INTS10: variants seen among roughly 807,000 people sequenced by gnomAD.
The protein encoded by INTS10 is integrator complex subunit 10.
In INTS10, 44 loss-of-function variants were observed where a neutral mutation model predicts 94.4. The ratio of observed to expected loss-of-function variants is 0.47; its 90% CI spans 0.37 to 0.60. The LOEUF is 0.60. INTS10 is among the 20% of genes least tolerant of loss of function. INTS10 has a pLI of 0.00. For missense variants in INTS10, 797 were observed against 868.7 expected (o/e 0.92, Z 1.04); for synonymous variants, 341 against 320.7 (o/e 1.06, Z -0.68).
At chr8:19,825,333 C>G (rs1024463988) in intron 8 of INTS10, among the ~76,000 whole-genome samples, 15 of 152,192 alleles carry the variant, frequency 9.9e-5, no homozygotes, top group African/African-American at 3.6e-4. Flanking sequence ...TGAGACCAGC[C>G]TGGCCAATAT....
intron 2 of INTS10, among the ~76,000 whole-genome samples, chr8:19,819,189 T>TA (rs1005674768): frequency 5.3e-5 from 8 of 151,806 alleles, no homozygotes; most frequent in Admixed American, 1.3e-4. Flanking sequence ...CTTGCTATTT[T>TA]AAAAAAAAAT....
rs1483514279 is a variant in INTS10, at chr8:19,823,328, A to G, written c.551A>G (p.Asn184Ser). 5 of 1,608,222 alleles carry G rather than the reference A, an allele frequency of 3.1e-6. No individual in the cohort carries two copies. The highest frequency in any genetic ancestry group is 4.3e-6 in the Non-Finnish European group (5 of 1,175,060). ...FVCDVLPLII[N>S]NHDVRLPANL... ...TGTGATGTCCTTCCTCTAATAATTA[A>G]CAACCATGATGTTCGATTACCTGCC... The change falls in exon 6 of 17, where the codon AAC becomes AGC. Residue 184 changes from asparagine (N) to serine (S), a missense_variant. This residue lies in a region of INTS10 where 734 missense variants were observed against 787.8 expected (regional missense o/e 0.93). Coordinates refer to ENST00000397977, the MANE Select transcript of INTS10 (RefSeq NM_018142.4).
intron 4 of INTS10, chr8:19,821,006 C>T (rs1178635852): frequency 6.6e-6 from 1 of 152,482 alleles, no homozygotes; most frequent in Non-Finnish European, 1.5e-5. Context: ...TCCCACTTTA[C>T]AGATGACGAA....
At chr8:19,826,333 C>T in intron 8 of INTS10, 93 bp from the exon 9 acceptor site, 1 of 1,313,118 alleles carries the variant, frequency 7.6e-7, no homozygotes, top group Non-Finnish European at 1.0e-6. Flanking sequence ...CCTCCTGCCT[C>T]AGCCTCCCAA....
intron 15 of INTS10, chr8:19,845,467 T>C: frequency 1.9e-6 from 1 of 527,400 alleles, no homozygotes; most frequent in South Asian, 2.3e-5. Flanking sequence ...TTAGTGGGTA[T>C]AAGAATCAGG....
At position 19,826,371 on chromosome 8, in the gene INTS10, C is replaced by T. The variant is rs181823850; in HGVS notation, c.1007-55C>T. 4,060 of 1,540,418 alleles carry T rather than the reference C, an allele frequency of 2.6e-3. 15 individuals are homozygous for T. Among genetic ancestry groups the T allele is most frequent in the Non-Finnish European group, 2.8e-3 (3,241 of 1,145,150 alleles). The stretch of plus-strand genomic sequence containing the variant: ...GGCTGGGATTGCAGGCATGAGCCAC[C>T]GCGCCTGGCCTCCTTGCTGCACTGG... On this transcript the variant is annotated intron_variant, in intron 8 of 16. Coordinates refer to ENST00000397977, the MANE Select transcript of INTS10 (RefSeq NM_018142.4).
intron 5 of INTS10, among the ~76,000 whole-genome samples, chr8:19,822,945 T>A (rs2066499671): frequency 7.2e-6 from 1 of 139,792 alleles, no homozygotes; most frequent in Non-Finnish European, 1.6e-5. Context: ...TGAGACTCTG[T>A]CTCAAAAAAA....
chr8:19,848,349 G>A (rs1270130587), intron 16 of INTS10, among the ~76,000 whole-genome samples: 3 of 152,156 alleles, frequency 2.0e-5, no homozygotes, highest in South Asian at 2.1e-4. Flanking sequence ...GAGGGCACCC[G>A]GTGCTTCACT....
intron 13 of INTS10, among the ~76,000 whole-genome samples, chr8:19,840,641 C>T (rs1384010227): frequency 1.3e-5 from 2 of 151,948 alleles, no homozygotes; most frequent in Non-Finnish European, 1.5e-5. Context: ...AAATGATTTT[C>T]GATGAAGGCA....
chr8:19,817,730 G>A (rs1453381397), intron 1 of INTS10, 64 bp downstream of exon 1: 2 of 1,547,752 alleles, frequency 1.3e-6, no homozygotes, highest in Non-Finnish European at 1.7e-6. Flanking sequence ...CGCCCGGGCT[G>A]CCCTGGCCCA....
chr8:19,841,980 A>C, intron 13 of INTS10: 1 of 259,922 alleles, frequency 3.8e-6, no homozygotes, highest in Non-Finnish European at 7.7e-6. Flanking sequence ...ACAGGATCCC[A>C]TGTGAAAAAT....
At position 19,849,023 on chromosome 8, in the gene INTS10, C is replaced by T. The variant is rs1358649209; in HGVS notation, c.1977-2626C>T. The T allele has an allele frequency of 5.4e-5, 18 of 333,876 alleles. No individual in the cohort carries two copies. The highest frequency in any genetic ancestry group is 1.8e-4 in the South Asian group (8 of 43,982). 20.7% of individuals were successfully genotyped at this position (333,876 alleles called of 1,614,324 possible). A position where few individuals can be genotyped will look rare whatever the true frequency, so the allele number is the denominator to read the frequency against. On this transcript the variant is annotated intron_variant, in intron 16 of 16. Transcript: ENST00000397977. This position sits in a 1 kb window ranked among gnomAD's most constrained non-coding sequence, Gnocchi z 4.6. ...CCCAGTCTCCTTAAACACCCAGCCA[C>T]GGCCAGGGGCTTGTTGAGGTTAATG...
In INTS10 at chr8:19,820,483, T is replaced by C; in HGVS notation, c.406T>C (p.Leu136=). Residue 136 remains leucine (L), a synonymous_variant, in exon 4 of 17, where the codon TTG becomes CTG. Transcript: ENST00000397977. ...LERSEMLLLL[L]RRFPETVVQH... is the part of the protein sequence containing the mutation. ...ACGATCAGAAATGTTGCTTCTACTTTTGAGGCGCTTCCCTGAAACGGTGGT... is the reference window on the plus strand; with the variant it reads ...ACGATCAGAAATGTTGCTTCTACTTCTGAGGCGCTTCCCTGAAACGGTGGT... The C allele has an allele frequency of 2.5e-6, 4 of 1,612,984 alleles. No individual in the cohort carries two copies. The highest frequency in any genetic ancestry group is 2.5e-6 in the Non-Finnish European group (3 of 1,179,146).
At chr8:19,840,049 T>G (rs1368613153) in intron 13 of INTS10, among the ~76,000 whole-genome samples, 1 of 110,494 alleles carries the variant, frequency 9.1e-6, no homozygotes, top group Non-Finnish European at 1.7e-5. Context: ...GGCGACAGAG[T>G]GAGACCTTGT....
intron 7 of INTS10, 166 bp downstream of exon 7, chr8:19,824,210 G>C: frequency 1.8e-6 from 1 of 543,722 alleles, no homozygotes; most frequent in Non-Finnish European, 3.2e-6. Context: ...AAACATTTCT[G>C]ACTGGGCACA....
chr8:19,826,578 CTTA>C lies in INTS10; in HGVS notation c.1140+23_1140+25del. ...AACCATGGTAAGGCTTTCAAATATA[CTTA>C]TTAACAGATTGGATGGGACGCTTTG... is the stretch of plus-strand genomic sequence containing the variant. On this transcript the variant is annotated intron_variant, in intron 9 of 16. Coordinates refer to ENST00000397977, the MANE Select transcript of INTS10 (RefSeq NM_018142.4). The C allele has an allele frequency of 1.9e-6, 3 of 1,601,232 alleles. No individual in the cohort carries two copies. Among genetic ancestry groups the C allele is most frequent in the Non-Finnish European group, 2.6e-6 (3 of 1,175,378 alleles).
At chr8:19,837,224 C>A in intron 13 of INTS10, 64 bp downstream of exon 13, 1 of 1,029,684 alleles carries the variant, frequency 9.7e-7, no homozygotes, top group Non-Finnish European at 1.5e-6. Context: ...CACGGTGGCT[C>A]ACACTTGTAA....
At chr8:19,818,517 C>G (rs2066119832) in intron 2 of INTS10, 175 bp downstream of exon 2, 2 of 599,440 alleles carry the variant, frequency 3.3e-6, no homozygotes, top group East Asian at 5.6e-5. Flanking sequence ...ATGGCTTTTG[C>G]AGAAGAGTTT....
At position 19,849,186 on chromosome 8, in the gene INTS10, A is replaced by G. The variant is rs2068820747; in HGVS notation, c.1977-2463A>G. The G allele has an allele frequency of 7.8e-7, 1 of 1,289,542 alleles. No individual in the cohort carries two copies. The highest frequency in any genetic ancestry group is 5.5e-5 in the East Asian group (1 of 18,036). 79.9% of individuals were successfully genotyped at this position (1,289,542 alleles called of 1,614,324 possible). A position where few individuals can be genotyped will look rare whatever the true frequency, so the allele number is the denominator to read the frequency against. On this transcript the variant is annotated intron_variant, in intron 16 of 16. Coordinates refer to ENST00000397977, the MANE Select transcript of INTS10 (RefSeq NM_018142.4). This position sits in a 1 kb window ranked among gnomAD's most constrained non-coding sequence, Gnocchi z 4.6. ...GGCCTTCTAGCCCTCCCATGGGGTT[A>G]CTGCAGCAGGAATTCTTACCTGTGC...
Sources: gnomAD v4.1 joint callset for allele counts (sites outside exome capture counted in the v4.1 genomes callset) on GRCh38, gnomAD v4.1.1 for gene constraint, gnomAD v4.1.1 regional missense constraint, Gnocchi (gnomAD v3.1) non-coding constraint, MANE v1.5 for transcripts, NCBI Gene and HGNC (gene_info 2026-07-23, HGNC 2026-07-21) for gene names.